The following CIPC variants were observed in gnomAD, a reference collection of about 807,000 sequenced individuals.
The protein encoded by CIPC is CLOCK-interacting pacemaker.
CIPC carries 12 observed loss-of-function variants against 26.7 expected under a neutral mutation model. The ratio of observed to expected loss-of-function variants is 0.45; its 90% CI spans 0.29 to 0.73. The LOEUF is 0.73. CIPC is among the 30% of genes least tolerant of loss of function. The pLI is 0.12. For synonymous variants in CIPC, 170 were observed against 189.8 expected (o/e 0.90, Z 0.86); for missense variants, 417 against 486.5 (o/e 0.86, Z 1.34).
chr14:77,102,316 G>A (rs1369533282), intron 1 of CIPC, among the ~76,000 whole-genome samples: 1 of 152,144 alleles, frequency 6.6e-6, no homozygotes, highest in Non-Finnish European at 1.5e-5. Flanking sequence ...GCAGTGAGCT[G>A]TGTTTGTGGC....
At chr14:77,110,027 C>T (rs755464814) in intron 3 of CIPC, 46 bp downstream of exon 3, 1 of 1,578,024 alleles carries the variant, frequency 6.3e-7, no homozygotes, top group East Asian at 2.2e-5. Context: ...ATAAAAATCT[C>T]TTAGCTTCCG....
At chr14:77,103,712 T>G (rs1249500413) in intron 1 of CIPC, among the ~76,000 whole-genome samples, 3 of 152,218 alleles carry the variant, frequency 2.0e-5, no homozygotes, top group African/African-American at 7.2e-5. Context: ...ACTAGCTGTT[T>G]ATCACTGGAG....
chr14:77,115,519 A>C lies in CIPC; in HGVS notation c.*1201A>C, dbSNP rs1886795539. The C allele has an allele frequency of 6.6e-6, 1 of 152,182 alleles. No individual in the cohort carries two copies. Among genetic ancestry groups the C allele is most frequent in the African/African-American group, 2.4e-5 (1 of 41,440 alleles). The allele number at this position is 152,182 out of a possible 1,614,324, so 9.4% of individuals were successfully genotyped here. ...AGTTCATCTCAAAATGGAGACCATG[A>C]CCAGAGTTTCCAGATGATACACGTT... On this transcript the variant is annotated 3_prime_UTR_variant, in exon 4 of 4. Coordinates refer to ENST00000361786, the MANE Select transcript of CIPC (RefSeq NM_033426.3).
intron 2 of CIPC, among the ~76,000 whole-genome samples, chr14:77,106,833 A>G (rs1423504353): frequency 6.6e-6 from 1 of 152,194 alleles, no homozygotes; most frequent in Non-Finnish European, 1.5e-5. Flanking sequence ...AGCGCCAACC[A>G]AGGGATTAGA....
At chr14:77,113,320 T>C in intron 3 of CIPC, 105 bp from the exon 4 acceptor site, 5 of 1,194,598 alleles carry the variant, frequency 4.2e-6, no homozygotes, top group Non-Finnish European at 4.9e-6. Flanking sequence ...GTCCTTGAAA[T>C]TGTTCTAAGC....
chr14:77,101,182 C>A (rs1318367153), intron 1 of CIPC, among the ~76,000 whole-genome samples: 2 of 152,158 alleles, frequency 1.3e-5, no homozygotes, highest in Non-Finnish European at 2.9e-5. Context: ...AAAAATCAAG[C>A]AACTTCCCGA....
chr14:77,103,509 C>T (rs920412613), intron 1 of CIPC, among the ~76,000 whole-genome samples: 6 of 152,170 alleles, frequency 3.9e-5, no homozygotes, highest in African/African-American at 1.4e-4. Context: ...TTGTCATGTT[C>T]CCTGTTGGCC....
At chr14:77,107,712 A>G (rs1406727831) in intron 2 of CIPC, among the ~76,000 whole-genome samples, 2 of 152,004 alleles carry the variant, frequency 1.3e-5, no homozygotes, top group African/African-American at 2.4e-5. Context: ...ATTTTACCCC[A>G]TGTAGCTTCA....
rs1376802084 is a variant in CIPC at position 77,116,252 on chromosome 14, G to C, written c.*1934G>C. On this transcript the variant is annotated 3_prime_UTR_variant, in exon 4 of 4. Transcript: ENST00000361786. ...GAAATCAGAGCAAATGTGTCTTTAGGCAGATTCAGCTCCTTTTAATATTTT... is the reference window on the plus strand; with the variant it reads ...GAAATCAGAGCAAATGTGTCTTTAGCCAGATTCAGCTCCTTTTAATATTTT... The C allele has an allele frequency of 1.3e-5, 2 of 152,136 alleles. No homozygotes were observed. Among genetic ancestry groups the C allele is most frequent in the Non-Finnish European group, 2.9e-5 (2 of 68,026 alleles). The allele number at this position is 152,136 out of a possible 1,614,324, so 9.4% of individuals were successfully genotyped here.
At chr14:77,113,336 A>C (rs1886740493) in intron 3 of CIPC, 89 bp from the exon 4 acceptor site, 2 of 1,362,674 alleles carry the variant, frequency 1.5e-6, no homozygotes, top group Non-Finnish European at 2.1e-6. Context: ...TAAGCATTTG[A>C]GTATCCACTT....
chr14:77,098,754 G>A (rs1886412954), intron 1 of CIPC: 1 of 152,718 alleles, frequency 6.5e-6, no homozygotes, highest in Admixed American at 6.5e-5. Context: ...TAGTAACTGG[G>A]CGAGGGTCCT....
intron 1 of CIPC, chr14:77,098,867 T>G (rs1386294409): frequency 6.5e-6 from 1 of 152,844 alleles, no homozygotes; most frequent in Non-Finnish European, 1.5e-5. Context: ...GCTGGTTGTT[T>G]CCCCTGAGTG....
At chr14:77,105,133 C>T (rs943131508) in intron 1 of CIPC, among the ~76,000 whole-genome samples, 12 of 152,174 alleles carry the variant, frequency 7.9e-5, no homozygotes, top group African/African-American at 2.9e-4. Context: ...TTCAATACCT[C>T]AGCCAAAGGA....
intron 2 of CIPC, among the ~76,000 whole-genome samples, chr14:77,106,357 G>A (rs1418991953): frequency 1.3e-5 from 2 of 152,122 alleles, no homozygotes; most frequent in Non-Finnish European, 2.9e-5. Flanking sequence ...TTTTGTATTT[G>A]GACTGTGAGC....
chr14:77,102,554 T>C (rs1046200421), intron 1 of CIPC, among the ~76,000 whole-genome samples: 3 of 152,220 alleles, frequency 2.0e-5, no homozygotes, highest in Non-Finnish European at 4.4e-5. Context: ...GTAGCTCTAT[T>C]GACTACACTT....
Position 77,108,634 on chromosome 14 carries a change from T to C in CIPC, c.137-1178T>C, listed in dbSNP as rs1594821299. The stretch of plus-strand genomic sequence containing the variant: ...TGAACCCGGGAGGCAGAGGTTGTGG[T>C]GAGCTAAGATCATGCCATTGCACTA... On this transcript the variant is annotated intron_variant, in intron 2 of 3. Transcript: ENST00000361786. 3.3e-5 allele frequency among the ~76,000 whole-genome samples: 5 copies of C among 151,948 alleles called. No individual in the cohort carries two copies. The South Asian group carries it at 1.0e-3, about 32-fold the overall frequency.
chr14:77,102,398 C>T (rs953631165), intron 1 of CIPC, among the ~76,000 whole-genome samples: 7 of 152,188 alleles, frequency 4.6e-5, no homozygotes, highest in African/African-American at 4.8e-5. Flanking sequence ...ACAAAGTGCT[C>T]ATTATGCTAA....
chr14:77,106,835 G>T (rs2140029724), intron 2 of CIPC, among the ~76,000 whole-genome samples: 1 of 152,298 alleles, frequency 6.6e-6, no homozygotes, highest in South Asian at 2.1e-4. Context: ...CGCCAACCAA[G>T]GGATTAGATT....
At position 77,109,669 on chromosome 14, in the gene CIPC, T is replaced by C. The variant is rs2140032523; in HGVS notation, c.137-143T>C. 3 of 658,502 alleles carry C rather than the reference T, an allele frequency of 4.6e-6. No homozygotes were observed. The South Asian group carries it at 8.7e-5, about 19-fold the overall frequency. The allele number at this position is 658,502 out of a possible 1,614,324, so 40.8% of individuals were successfully genotyped here. On this transcript the variant is annotated intron_variant, in intron 2 of 3. Coordinates refer to ENST00000361786, the MANE Select transcript of CIPC (RefSeq NM_033426.3). ...ATCCCATTGAAAAGCCAATGAAAGC[T>C]AAAAGCCTCCTTCTCAATAAAATTC...
Sources: allele counts gnomAD v4.1 joint callset (sites outside exome capture counted in the v4.1 genomes callset), GRCh38; gene constraint gnomAD v4.1.1; transcripts MANE v1.5; gene names NCBI Gene and HGNC (gene_info 2026-07-23, HGNC 2026-07-21).